MYBL2: variants seen among roughly 807,000 people sequenced by gnomAD.
The protein encoded by MYBL2 is MYB proto-oncogene like 2.
In MYBL2, 28 loss-of-function variants were observed where a neutral mutation model predicts 79.9. The observed-to-expected ratio is 0.35, with a 90% confidence interval of 0.26 to 0.48. The LOEUF (loss-of-function observed/expected upper bound fraction) is 0.48, where lower values mean the gene tolerates loss of function less well. Among genes scored for constraint, MYBL2 ranks in the 20% least tolerant of loss-of-function variants. The probability of loss-of-function intolerance (pLI) is 0.99; values close to 1 mark genes in which losing one functional copy is unlikely to be tolerated. For missense variants in MYBL2, 735 were observed against 893.9 expected (o/e 0.82, Z 2.27); for synonymous variants, 378 against 361.2 (o/e 1.05, Z -0.53).
intron 2 of MYBL2, among the ~76,000 whole-genome samples, chr20:43,676,588 T>G (rs772072416): frequency 6.6e-6 from 1 of 152,230 alleles, no homozygotes; most frequent in African/African-American, 2.4e-5. Flanking sequence ...TTGGACTGTT[T>G]GCAGTTTTTG....
rs756741307 is a variant in MYBL2, at chr20:43,686,032, C to G, written c.280-820C>G. On this transcript the variant is annotated intron_variant, in intron 4 of 13. Transcript: ENST00000217026. ...AGCCTGGGCAACAAGAGCAAAACTTCGTCTCAAAAAAAATAAATAAAAAAT... is the reference window on the plus strand; with the variant it reads ...AGCCTGGGCAACAAGAGCAAAACTTGGTCTCAAAAAAAATAAATAAAAAAT... 4.6e-5 allele frequency among the ~76,000 whole-genome samples: 7 copies of G among 150,688 alleles called. No homozygotes were observed. The South Asian group carries it at 1.3e-3, about 27-fold the overall frequency.
intron 1 of MYBL2, among the ~76,000 whole-genome samples, chr20:43,673,138 T>A (rs1223267885): frequency 6.6e-6 from 1 of 151,938 alleles, no homozygotes; most frequent in African/African-American, 2.4e-5. Context: ...GAGATGGGGT[T>A]TCACTGTGTT....
chr20:43,705,089 A>AGG, intron 8 of MYBL2, 130 bp from the exon 9 acceptor site: 1 of 1,192,322 alleles, frequency 8.4e-7, no homozygotes, highest in Non-Finnish European at 1.2e-6. Context: ...ATGGGTCAAG[A>AGG]GGGGACCTCA....
intron 5 of MYBL2, among the ~76,000 whole-genome samples, chr20:43,689,849 A>G (rs1987364784): frequency 6.6e-6 from 1 of 152,196 alleles, no homozygotes; most frequent in Non-Finnish European, 1.5e-5. Flanking sequence ...GAGTCTCACT[A>G]TAGCTTGGGG....
intron 1 of MYBL2, among the ~76,000 whole-genome samples, chr20:43,673,246 CTT>C (rs3091633): frequency 0.8 from 115,615 of 145,086 alleles, 46,663 homozygotes; most frequent in Non-Finnish European, 0.87. Context: ...TGCCTGGCCT[CTT>C]TTTTTTTTTT....
intron 6 of MYBL2, among the ~76,000 whole-genome samples, chr20:43,697,360 A>G (rs977158584): frequency 2.0e-5 from 3 of 152,150 alleles, no homozygotes; most frequent in East Asian, 1.9e-4. Flanking sequence ...CTGTATTCCC[A>G]GCACTTTGGG....
chr20:43,667,884 C>T (rs1017158040), intron 1 of MYBL2, among the ~76,000 whole-genome samples: 2 of 152,290 alleles, frequency 1.3e-5, no homozygotes, highest in Non-Finnish European at 2.9e-5. Flanking sequence ...CGCGCCCCAG[C>T]TTGGTTCGGT....
At chr20:43,679,716 C>A (rs1017912160) in intron 2 of MYBL2, among the ~76,000 whole-genome samples, 14 of 152,056 alleles carry the variant, frequency 9.2e-5, no homozygotes, top group African/African-American at 3.4e-4. Flanking sequence ...TCTAGACCAG[C>A]CTGAAGAACA....
At chr20:43,668,624 C>T (rs1263626039) in intron 1 of MYBL2, among the ~76,000 whole-genome samples, 1 of 151,680 alleles carries the variant, frequency 6.6e-6, no homozygotes, top group Admixed American at 6.6e-5. Context: ...TCAGGCCCCA[C>T]TTTCCCAGGC....
chr20:43,682,447 C>T (rs1188620706), intron 3 of MYBL2, among the ~76,000 whole-genome samples: 2 of 152,228 alleles, frequency 1.3e-5, no homozygotes, highest in Non-Finnish European at 2.9e-5. Context: ...TCCCCCTCTT[C>T]TGTGTAATCT....
chr20:43,704,361 C>A (rs1444184405), intron 8 of MYBL2, among the ~76,000 whole-genome samples: 4 of 152,128 alleles, frequency 2.6e-5, no homozygotes, highest in African/African-American at 9.7e-5. Flanking sequence ...TAATACAGTC[C>A]CATTCTGAGG....
intron 10 of MYBL2, 53 bp from the exon 11 acceptor site, chr20:43,711,435 A>C: frequency 3.4e-6 from 5 of 1,462,900 alleles, no homozygotes; most frequent in Non-Finnish European, 2.8e-6. Flanking sequence ...AGTCCCACAC[A>C]CACACAGCCC....
chr20:43,712,466 C>T (rs886493097), intron 11 of MYBL2, among the ~76,000 whole-genome samples: 5 of 152,128 alleles, frequency 3.3e-5, no homozygotes, highest in African/African-American at 7.2e-5. Flanking sequence ...CTGCTGAGTG[C>T]ACTGTTGGGT....
Position 43,680,553 on chromosome 20 carries a change from AG to A in MYBL2, c.115-1230del, listed in dbSNP as rs1482056101. On this transcript the variant is annotated intron_variant, in intron 2 of 13. Transcript: ENST00000217026. ...TGCTCTGTTGCCGAGGCTGGAGTGC[AG>A]TGGCATGATCTCGGCTCACTGCAAC... is the stretch of plus-strand genomic sequence containing the variant. Among the ~76,000 whole-genome samples the A allele has an allele frequency of 2.6e-5, 4 of 152,128 alleles. No individual in the cohort carries two copies. In the East Asian group the frequency reaches 7.7e-4, roughly 29 times the overall value.
chr20:43,704,435 G>A (rs575594858), intron 8 of MYBL2, among the ~76,000 whole-genome samples: 5 of 152,298 alleles, frequency 3.3e-5, no homozygotes, highest in Admixed American at 1.3e-4. Flanking sequence ...GTAACATGCC[G>A]CAAGTGAGGG....
rs774599034 is a variant in MYBL2, at chr20:43,692,338, C to T, written c.663+19C>T. The T allele has an allele frequency of 1.9e-6, 3 of 1,612,976 alleles. No homozygotes were observed. Among genetic ancestry groups the T allele is most frequent in the East Asian group, 2.2e-5 (1 of 44,872 alleles). The stretch of plus-strand genomic sequence containing the variant: ...AGGCCAGGTGAGACAGCTGCTCAGC[C>T]TTTGGCTTGGTTTGATTTCACATTC... On this transcript the variant is annotated intron_variant, in intron 6 of 13. Transcript: ENST00000217026.
intron 6 of MYBL2, among the ~76,000 whole-genome samples, chr20:43,694,895 T>C (rs539432672): frequency 6.6e-6 from 1 of 152,288 alleles, no homozygotes; most frequent in South Asian, 2.1e-4. Flanking sequence ...AGTGAACAGA[T>C]CTCTAGTCTC....
chr20:43,706,956 C>T (rs780842640), intron 9 of MYBL2, among the ~76,000 whole-genome samples: 88 of 151,422 alleles, frequency 5.8e-4, no homozygotes, highest in Non-Finnish European at 6.9e-4. Context: ...CCTTGTGATC[C>T]ACTCGCCTCG....
rs541823010 is a variant in MYBL2 at position 43,693,135 on chromosome 20, C to T, written c.663+816C>T. 7.2e-5 allele frequency among the ~76,000 whole-genome samples: 11 copies of T among 152,144 alleles called. 1 individual carries two copies. The highest frequency in any genetic ancestry group is 1.7e-4 in the African/African-American group (7 of 41,496). On this transcript the variant is annotated intron_variant, in intron 6 of 13. Coordinates refer to ENST00000217026, the MANE Select transcript of MYBL2 (RefSeq NM_002466.4). ...GTAACCTCTGCCTCCTGGGATCAAGCGATCTCATGCCTCAGCAACCTGAGT... is the reference window on the plus strand; with the variant it reads ...GTAACCTCTGCCTCCTGGGATCAAGTGATCTCATGCCTCAGCAACCTGAGT...
Sources: gnomAD v4.1 joint callset for allele counts (sites outside exome capture counted in the v4.1 genomes callset) on GRCh38, gnomAD v4.1.1 for gene constraint, MANE v1.5 for transcripts, NCBI Gene and HGNC (gene_info 2026-07-23, HGNC 2026-07-21) for gene names.